The following TRAPPC9 variants were observed in gnomAD, a reference collection of about 807,000 sequenced individuals.
TRAPPC9 encodes the protein trafficking protein particle complex subunit 9, also known as IKK2 binding protein.
In TRAPPC9, 83 loss-of-function variants were observed where a neutral mutation model predicts 124.0. The observed-to-expected ratio is 0.67, with a 90% CI of 0.56 to 0.80. The LOEUF is 0.80. Ranked by LOEUF, TRAPPC9 falls within the 30% of genes least tolerant of loss-of-function variation. The pLI is 0.00. For missense variants in TRAPPC9, 1,302 were observed against 1,508.3 expected (o/e 0.86, Z 2.27); for synonymous variants, 638 against 617.5 (o/e 1.03, Z -0.49).
chr8:139,803,655 C>A (rs1298403172), intron 21 of TRAPPC9, among the ~76,000 whole-genome samples: 2 of 152,248 alleles, frequency 1.3e-5, no homozygotes, highest in African/African-American at 4.8e-5. Flanking sequence ...CACTTCCTTC[C>A]CAGTTTACTG....
At chr8:140,293,185 G>A (rs1169603025) in intron 11 of TRAPPC9, among the ~76,000 whole-genome samples, 1 of 148,550 alleles carries the variant, frequency 6.7e-6, no homozygotes, top group East Asian at 1.9e-4. Flanking sequence ...ACACCAGTTA[G>A]AATGGCGATC....
At chr8:139,838,054 C>G (rs1024342940) in intron 21 of TRAPPC9, among the ~76,000 whole-genome samples, 1 of 152,118 alleles carries the variant, frequency 6.6e-6, no homozygotes, top group South Asian at 2.1e-4. Context: ...CTAAAGGGCT[C>G]GCTGCACCCA....
At chr8:140,074,381 T>C (rs1162868208) in intron 17 of TRAPPC9, among the ~76,000 whole-genome samples, 5 of 152,174 alleles carry the variant, frequency 3.3e-5, no homozygotes, top group African/African-American at 4.8e-5. Context: ...AAGCCACTAC[T>C]TTGGGCTTCA....
At chr8:139,758,924 G>C (rs1395632221) in intron 21 of TRAPPC9, among the ~76,000 whole-genome samples, 3 of 152,198 alleles carry the variant, frequency 2.0e-5, no homozygotes, top group Non-Finnish European at 4.4e-5. Context: ...AGCACCTGTG[G>C]AGCCAGGTGG....
At chr8:140,207,957 T>C (rs970281114) in intron 17 of TRAPPC9, among the ~76,000 whole-genome samples, 2 of 151,964 alleles carry the variant, frequency 1.3e-5, no homozygotes, top group Non-Finnish European at 2.9e-5. Flanking sequence ...TTTGAGACCA[T>C]CCTGGCCAAC....
At chr8:139,818,260 T>C (rs933852621) in intron 21 of TRAPPC9, among the ~76,000 whole-genome samples, 1 of 152,130 alleles carries the variant, frequency 6.6e-6, no homozygotes, top group Non-Finnish European at 1.5e-5. Flanking sequence ...GTGGAGAGTC[T>C]GATTAGGAGC....
intron 13 of TRAPPC9, among the ~76,000 whole-genome samples, chr8:140,286,115 A>T (rs1056964414): frequency 1.6e-4 from 24 of 152,240 alleles, no homozygotes; most frequent in African/African-American, 5.1e-4. Context: ...GAGGAAGGAA[A>T]GCCTGTGCTG....
rs142244935 is a variant in TRAPPC9 at position 139,787,282 on chromosome 8, G to A, written c.3056-55080C>T. Among the ~76,000 whole-genome samples, 156 of 152,204 alleles carry A rather than the reference G, an allele frequency of 1.0e-3. 1 individual carries two copies. Among genetic ancestry groups the A allele is most frequent in the African/African-American group, 3.4e-3 (140 of 41,538 alleles). On this transcript the variant is annotated intron_variant, in intron 21 of 22. Coordinates refer to ENST00000438773, the MANE Select transcript of TRAPPC9 (RefSeq NM_001160372.4). ...TTCAGAGGCAACTGAGCTGCTTTAT[G>A]ACTCTTGTAGCCTGAGCGGGGAGGG...
intron 9 of TRAPPC9, among the ~76,000 whole-genome samples, chr8:140,342,953 T>G (rs1370867124): frequency 6.6e-6 from 1 of 152,196 alleles, no homozygotes; most frequent in East Asian, 1.9e-4. Flanking sequence ...ACGTAGGGCT[T>G]TCAACCCGAA....
At chr8:139,977,992 A>T (rs1345011343) in intron 19 of TRAPPC9, among the ~76,000 whole-genome samples, 1 of 151,664 alleles carries the variant, frequency 6.6e-6, no homozygotes, top group Non-Finnish European at 1.5e-5. Flanking sequence ...CCTACTCCTA[A>T]TTTAATGAGG....
chr8:140,389,605 A>G (rs768165978), intron 7 of TRAPPC9, among the ~76,000 whole-genome samples: 13 of 152,314 alleles, frequency 8.5e-5, no homozygotes, highest in East Asian at 5.8e-4. Flanking sequence ...AAAAAAATGA[A>G]TAAGATACAG....
chr8:139,828,545 TG>T (rs1297002599), intron 21 of TRAPPC9, among the ~76,000 whole-genome samples: 2 of 152,320 alleles, frequency 1.3e-5, no homozygotes, highest in East Asian at 3.9e-4. Context: ...AATCGGGAAA[TG>T]CTCCTTTGAA....
At chr8:140,297,791 G>A (rs997079371) in intron 11 of TRAPPC9, among the ~76,000 whole-genome samples, 11 of 152,202 alleles carry the variant, frequency 7.2e-5, no homozygotes, top group African/African-American at 2.7e-4. Flanking sequence ...TTTAGAGAGC[G>A]TTTATTCACA....
In TRAPPC9 at chr8:140,151,815, A is replaced by G. The variant is rs2061547582; in HGVS notation, c.2556+69644T>C. 2.0e-5 allele frequency among the ~76,000 whole-genome samples: 3 copies of G among 152,306 alleles called. No individual in the cohort carries two copies. The South Asian group carries it at 6.2e-4, about 32-fold the overall frequency. ...CTAGTGATCTCCACCCCACAATGAC[A>G]GCAATATCTGTCTTCATGCCAATGA... On this transcript the variant is annotated intron_variant, in intron 17 of 22. Coordinates refer to ENST00000438773, the MANE Select transcript of TRAPPC9 (RefSeq NM_001160372.4).
rs541554362 is a variant in TRAPPC9 at position 139,788,008 on chromosome 8, G to A, written c.3056-55806C>T. ...CCCCACCGCGGGCATCTGACCCTGT[G>A]GCGTCCTCCACCACTGCCAACCATG... On this transcript the variant is annotated intron_variant, in intron 21 of 22. Coordinates refer to ENST00000438773, the MANE Select transcript of TRAPPC9 (RefSeq NM_001160372.4). The surrounding 1 kb of genome is among the most constrained non-coding windows in gnomAD (Gnocchi z 4.9). Among the ~76,000 whole-genome samples the A allele has an allele frequency of 5.6e-4, 86 of 152,290 alleles. No homozygotes were observed. Among genetic ancestry groups the A allele is most frequent in the African/African-American group, 1.9e-3 (81 of 41,562 alleles).
At chr8:139,803,003 ATGT>A (rs762532259) in intron 21 of TRAPPC9, among the ~76,000 whole-genome samples, 1 of 150,498 alleles carries the variant, frequency 6.6e-6, no homozygotes, top group Non-Finnish European at 1.5e-5. Context: ...ATGTCAGTGT[ATGT>A]TGTGTGTGCA....
chr8:140,229,260 T>C (rs938733536), intron 16 of TRAPPC9, among the ~76,000 whole-genome samples: 5 of 27,088 alleles, frequency 1.8e-4, no homozygotes, highest in East Asian at 9.7e-4. Flanking sequence ...TCTTTTTTTT[T>C]TTTTTTTTTT....
At chr8:140,282,945 G>A (rs6578092) in intron 14 of TRAPPC9, among the ~76,000 whole-genome samples, 103,945 of 151,614 alleles carry the variant, frequency 0.69, 37,099 homozygotes, top group African/African-American at 0.9. Context: ...ATTTCTTACA[G>A]GATAAGAGTT....
At chr8:140,412,337 C>T (rs1247935224) in intron 5 of TRAPPC9, among the ~76,000 whole-genome samples, 1 of 152,104 alleles carries the variant, frequency 6.6e-6, no homozygotes, top group East Asian at 1.9e-4. Flanking sequence ...TCATGAAAAA[C>T]GAAGATAGGC....
Sources: gnomAD v4.1 joint callset for allele counts (sites outside exome capture counted in the v4.1 genomes callset) on GRCh38, gnomAD v4.1.1 for gene constraint, Gnocchi (gnomAD v3.1) non-coding constraint, MANE v1.5 for transcripts, NCBI Gene and HGNC (gene_info 2026-07-23, HGNC 2026-07-21) for gene names.